Variants in SNTG1 observed in about 807,000 individuals in gnomAD.
The protein encoded by SNTG1 is gamma-1-syntrophin.
In SNTG1, 39 loss-of-function variants were observed where a neutral mutation model predicts 74.7. That is an observed-to-expected ratio of 0.52 (90% CI 0.40 to 0.68). SNTG1 has a LOEUF of 0.68. Ranked by LOEUF, SNTG1 falls within the 30% of genes least tolerant of loss-of-function variation. SNTG1 has a pLI of 0.00. For synonymous variants in SNTG1, 254 were observed against 217.1 expected (o/e 1.17, Z -1.49); for missense variants, 685 against 609.5 (o/e 1.12, Z -1.30).
intron 2 of SNTG1, among the ~76,000 whole-genome samples, chr8:50,313,412 A>T (rs1357722139): frequency 6.7e-6 from 1 of 149,860 alleles, no homozygotes; most frequent in Non-Finnish European, 1.5e-5. Context: ...TGCAAATTGT[A>T]TGCTGATAAG....
intron 1 of SNTG1, among the ~76,000 whole-genome samples, chr8:50,145,983 AG>A (rs2081850065): frequency 6.7e-6 from 1 of 149,794 alleles, no homozygotes; most frequent in Non-Finnish European, 1.5e-5. Context: ...AAAAAAAAAA[AG>A]AATGTTAGGT....
intron 18 of SNTG1, among the ~76,000 whole-genome samples, chr8:50,776,436 G>T (rs1330652843): frequency 1.4e-5 from 2 of 146,284 alleles, no homozygotes; most frequent in Non-Finnish European, 3.0e-5. Flanking sequence ...ATATTTATAT[G>T]TTATATTTAA....
chr8:50,112,401 T>G (rs2131308252), intron 1 of SNTG1, among the ~76,000 whole-genome samples: 1 of 151,082 alleles, frequency 6.6e-6, no homozygotes, highest in South Asian at 2.1e-4. Flanking sequence ...ACTGAAGCAA[T>G]ACAGCAATTG....
chr8:50,689,310 T>G (rs1418717251), intron 15 of SNTG1, among the ~76,000 whole-genome samples: 1 of 152,042 alleles, frequency 6.6e-6, no homozygotes, highest in Non-Finnish European at 1.5e-5. Flanking sequence ...GGTGAGAGAG[T>G]GCATCCCTCT....
intron 1 of SNTG1, among the ~76,000 whole-genome samples, chr8:49,989,466 A>G (rs1347293832): frequency 6.6e-6 from 1 of 152,018 alleles, no homozygotes; most frequent in East Asian, 1.9e-4. Flanking sequence ...AAAACTTCCA[A>G]CAAATTAAAG....
chr8:50,095,175 A>G (rs1176233320), intron 1 of SNTG1, among the ~76,000 whole-genome samples: 1 of 152,180 alleles, frequency 6.6e-6, no homozygotes, highest in African/African-American at 2.4e-5. Flanking sequence ...GTGGGAGGAC[A>G]GTGAGGGTTG....
intron 1 of SNTG1, among the ~76,000 whole-genome samples, chr8:50,058,898 C>T (rs1216169702): frequency 6.6e-6 from 1 of 151,976 alleles, no homozygotes; most frequent in South Asian, 2.1e-4. Context: ...TCTCTCTTAC[C>T]CTCTCCACCT....
At chr8:50,019,611 T>C (rs566568136) in intron 1 of SNTG1, among the ~76,000 whole-genome samples, 92 of 152,238 alleles carry the variant, frequency 6.0e-4, no homozygotes, top group African/African-American at 2.1e-3. Context: ...GTTCTTTCAA[T>C]TCACTTTAAG....
intron 5 of SNTG1, among the ~76,000 whole-genome samples, chr8:50,446,693 A>G (rs1212542375): frequency 6.6e-6 from 1 of 152,154 alleles, no homozygotes; most frequent in Non-Finnish European, 1.5e-5. Flanking sequence ...ATAAAATAAA[A>G]ACAGAAAACC....
At chr8:50,094,825 T>C (rs1275567071) in intron 1 of SNTG1, among the ~76,000 whole-genome samples, 2 of 152,128 alleles carry the variant, frequency 1.3e-5, no homozygotes, top group African/African-American at 4.8e-5. Flanking sequence ...CAGAGGAATA[T>C]AAATCTTTCT....
chr8:49,955,933 A>AC (rs935206368), intron 1 of SNTG1, among the ~76,000 whole-genome samples: 1 of 152,134 alleles, frequency 6.6e-6, no homozygotes, highest in African/African-American at 2.4e-5. Flanking sequence ...TAATTCTAGG[A>AC]CCCAAGTATG....
intron 2 of SNTG1, among the ~76,000 whole-genome samples, chr8:50,304,123 G>T (rs1400317835): frequency 6.6e-6 from 1 of 152,156 alleles, no homozygotes; most frequent in Non-Finnish European, 1.5e-5. Flanking sequence ...TGAGGGTTGT[G>T]CCCTCATGAA....
At chr8:50,557,344 C>T (rs1220319223) in intron 12 of SNTG1, among the ~76,000 whole-genome samples, 2 of 152,046 alleles carry the variant, frequency 1.3e-5, no homozygotes, top group South Asian at 2.1e-4. Context: ...TTCTGTTACA[C>T]AGCAATAGGG....
chr8:50,642,000 A>G (rs2095076583), intron 13 of SNTG1, among the ~76,000 whole-genome samples: 2 of 152,186 alleles, frequency 1.3e-5, no homozygotes, highest in Admixed American at 6.5e-5. Flanking sequence ...TGGTTTATCA[A>G]ATTTATTTCT....
chr8:50,786,095 T>C (rs1772848383), intron 18 of SNTG1, among the ~76,000 whole-genome samples: 1 of 151,966 alleles, frequency 6.6e-6, no homozygotes, highest in Non-Finnish European at 1.5e-5. Flanking sequence ...CAAGGATAGA[T>C]GATACAAACT....
intron 4 of SNTG1, among the ~76,000 whole-genome samples, chr8:50,403,030 G>T (rs552414878): frequency 1.3e-5 from 2 of 152,098 alleles, no homozygotes; most frequent in Non-Finnish European, 1.5e-5. Flanking sequence ...TCTGCTAAAA[G>T]ACATTATCAT....
At chr8:50,260,539 A>G (rs972181865) in intron 2 of SNTG1, among the ~76,000 whole-genome samples, 15 of 151,940 alleles carry the variant, frequency 9.9e-5, no homozygotes, top group African/African-American at 3.4e-4. Context: ...ACACACACAC[A>G]CACTACACAG....
At chr8:50,712,205 T>A (rs1015451708) in intron 17 of SNTG1, among the ~76,000 whole-genome samples, 1 of 152,042 alleles carries the variant, frequency 6.6e-6, no homozygotes, top group African/African-American at 2.4e-5. Context: ...GATGAAACTA[T>A]CCAGACAGAT....
intron 1 of SNTG1, among the ~76,000 whole-genome samples, chr8:49,919,425 GAAC>G (rs1472006134): frequency 2.0e-5 from 3 of 152,030 alleles, no homozygotes; most frequent in East Asian, 1.9e-4. Context: ...GGATAGAAAA[GAAC>G]AACACTTGTC....
Sources: gnomAD v4.1 joint callset for allele counts (sites outside exome capture counted in the v4.1 genomes callset) on GRCh38, gnomAD v4.1.1 for gene constraint, MANE v1.5 for transcripts, NCBI Gene and HGNC (gene_info 2026-07-23, HGNC 2026-07-21) for gene names.